Variants in ABCA10 observed in about 807,000 individuals in gnomAD.
ABCA10 encodes ATP-binding cassette sub-family A member 10.
In ABCA10, 169 loss-of-function variants were observed where a neutral mutation model predicts 187.5. That is an observed-to-expected ratio of 0.90 (90% CI 0.80 to 1.02). ABCA10 has a LOEUF of 1.02. ABCA10 is among the 50% of genes least tolerant of loss of function. ABCA10 has a pLI of 0.00. For missense variants in ABCA10, 1,727 were observed against 1,812.4 expected, an observed-to-expected ratio of 0.95 and a Z score of 0.86; for synonymous variants, 574 against 601.8, an observed-to-expected ratio of 0.95 and a Z score of 0.68.
At chr17:69,166,884 G>C (rs1469872912) in intron 25 of ABCA10, among the ~76,000 whole-genome samples, 1 of 152,172 alleles carries the variant, frequency 6.6e-6, no homozygotes, top group East Asian at 1.9e-4. Flanking sequence ...GTAGAAAACA[G>C]AATCAAGCAC....
At chr17:69,211,427 G>T (rs1450319236) in intron 9 of ABCA10, among the ~76,000 whole-genome samples, 1 of 147,976 alleles carries the variant, frequency 6.8e-6, no homozygotes, top group Non-Finnish European at 1.5e-5. Context: ...CAGAGATATT[G>T]GTGTGTAGTT....
intron 9 of ABCA10, among the ~76,000 whole-genome samples, chr17:69,213,778 G>A (rs1391257878): frequency 6.6e-6 from 1 of 151,936 alleles, no homozygotes; most frequent in African/African-American, 2.4e-5. Context: ...CCCCACCCTG[G>A]CCCCTTCCGA....
intron 9 of ABCA10, among the ~76,000 whole-genome samples, chr17:69,211,314 GATATATAT>G (rs58580286): frequency 0.11 from 3,146 of 29,490 alleles, 69 homozygotes; most frequent in African/African-American, 0.12. Context: ...TCATATATAT[GATATATAT>G]ATATATATAT....
rs116725682 is a variant in ABCA10, at chr17:69,156,245, T to G, written c.3456-320A>C. On this transcript the variant is annotated intron_variant, in intron 28 of 38. Coordinates refer to ENST00000690296, the MANE Select transcript of ABCA10 (RefSeq NM_001377321.1). ...ATCCAGATCATGACCACATTCCTCA[T>G]AAAAGATCATCCTAACTGGTTTTAT... Among the ~76,000 whole-genome samples the G allele has an allele frequency of 3.7e-3, 569 of 152,296 alleles. 10 individuals carry two copies. Among genetic ancestry groups the G allele is most frequent in the African/African-American group, 0.013 (539 of 41,560 alleles).
Position 69,153,566 on chromosome 17 carries a change from T to C in ABCA10, c.3966-20A>G. 6.2e-7 allele frequency: 1 copy of C among 1,613,818 alleles called. No individual in the cohort carries two copies. Among genetic ancestry groups the C allele is most frequent in the Non-Finnish European group, 8.5e-7 (1 of 1,179,808 alleles). On this transcript the variant is annotated intron_variant, in intron 32 of 38. Transcript: ENST00000690296. ...ACCAATCTGACAAAAAACAGTGTGA[T>C]TATACATGAAGTATATGGCAAATGG...
At chr17:69,151,034 T>C (rs1044785766) in intron 36 of ABCA10, among the ~76,000 whole-genome samples, 6 of 152,178 alleles carry the variant, frequency 3.9e-5, no homozygotes, top group Non-Finnish European at 5.9e-5. Flanking sequence ...TGGTCTTCTA[T>C]ATGGTAAAAA....
intron 9 of ABCA10, among the ~76,000 whole-genome samples, chr17:69,210,163 GTTATTTCTT>G (rs2074628090): frequency 8.1e-6 from 1 of 123,854 alleles, no homozygotes; most frequent in African/African-American, 3.4e-5. Context: ...TTATTTAGTG[GTTATTTCTT>G]TTTTTTTTTT....
rs2074169067 is a variant in ABCA10 at position 69,155,791 on chromosome 17, T to C, written c.3576+14A>G. On this transcript the variant is annotated intron_variant, in intron 29 of 38. Coordinates refer to ENST00000690296, the MANE Select transcript of ABCA10 (RefSeq NM_001377321.1). ...TCTGAGCATTTTATTAAGGGTCTAA[T>C]CCCTGCTGTTCACCTCCTCCAAGTT... 1.2e-6 allele frequency: 2 copies of C among 1,613,018 alleles called. No individual in the cohort carries two copies. Among genetic ancestry groups the C allele is most frequent in the Non-Finnish European group, 1.7e-6 (2 of 1,179,338 alleles).
intron 9 of ABCA10, among the ~76,000 whole-genome samples, chr17:69,207,734 T>G (rs986433814): frequency 6.6e-6 from 1 of 152,120 alleles, no homozygotes; most frequent in African/African-American, 2.4e-5. Flanking sequence ...AATAGAATCT[T>G]GGCTACCAGG....
At chr17:69,242,802 C>T (rs191182828) in intron 1 of ABCA10, among the ~76,000 whole-genome samples, 125 of 152,260 alleles carry the variant, frequency 8.2e-4, no homozygotes, top group African/African-American at 2.9e-3. Context: ...AACACAGAAG[C>T]TGGAAAGTCC....
At chr17:69,195,445 A>AT (rs1200175893) in intron 11 of ABCA10, among the ~76,000 whole-genome samples, 3 of 150,592 alleles carry the variant, frequency 2.0e-5, no homozygotes, top group Non-Finnish European at 3.0e-5. Flanking sequence ...ACATATTTTA[A>AT]TTTTTTTGTT....
At chr17:69,221,225 A>G (rs2074745194) in intron 5 of ABCA10, among the ~76,000 whole-genome samples, 1 of 152,172 alleles carries the variant, frequency 6.6e-6, no homozygotes, top group African/African-American at 2.4e-5. Context: ...AGGAATAAAG[A>G]AGCTGTTAAT....
intron 10 of ABCA10, among the ~76,000 whole-genome samples, chr17:69,199,491 T>A (rs2074528530): frequency 6.6e-6 from 1 of 152,200 alleles, no homozygotes; most frequent in Non-Finnish European, 1.5e-5. Context: ...TCCCTCTATC[T>A]CTAGGTACAT....
intron 11 of ABCA10, among the ~76,000 whole-genome samples, chr17:69,196,095 C>T (rs991148192): frequency 7.2e-5 from 11 of 152,298 alleles, no homozygotes; most frequent in East Asian, 1.9e-4. Flanking sequence ...GAGCGGGTGG[C>T]GGCTGGGCAG....
intron 2 of ABCA10, among the ~76,000 whole-genome samples, chr17:69,226,886 G>T (rs1410224239): frequency 4.6e-5 from 7 of 151,682 alleles, no homozygotes; most frequent in African/African-American, 1.5e-4. Context: ...GAAAATGGCT[G>T]GTTCTATTCT....
intron 9 of ABCA10, among the ~76,000 whole-genome samples, chr17:69,207,995 T>C (rs1289361258): frequency 6.6e-6 from 1 of 152,254 alleles, no homozygotes; most frequent in Non-Finnish European, 1.5e-5. Flanking sequence ...AAGTTCACAA[T>C]GTATACTATT....
chr17:69,161,751 C>T (rs1408543003), intron 27 of ABCA10, among the ~76,000 whole-genome samples: 1 of 152,144 alleles, frequency 6.6e-6, no homozygotes, highest in Non-Finnish European at 1.5e-5. Flanking sequence ...AAAAGAGCCC[C>T]TATCAGAACA....
chr17:69,187,308 T>C (rs1346165145), intron 19 of ABCA10, among the ~76,000 whole-genome samples: 7 of 152,114 alleles, frequency 4.6e-5, no homozygotes, highest in Non-Finnish European at 1.0e-4. Context: ...CATGAAGAGA[T>C]ATCTGTACAT....
chr17:69,158,999 GGTTA>G (rs1158372114), intron 27 of ABCA10, among the ~76,000 whole-genome samples: 1 of 151,608 alleles, frequency 6.6e-6, no homozygotes, highest in Non-Finnish European at 1.5e-5. Context: ...AAAATACAAA[GGTTA>G]GTCTATATCT....
Sources: allele counts gnomAD v4.1 joint callset (sites outside exome capture counted in the v4.1 genomes callset), GRCh38; gene constraint gnomAD v4.1.1; transcripts MANE v1.5; gene names NCBI Gene and HGNC (gene_info 2026-07-23, HGNC 2026-07-21).